Variants in AGTPBP1 observed in about 807,000 individuals in gnomAD.
AGTPBP1 encodes the protein cytosolic carboxypeptidase 1.
In AGTPBP1, 70 loss-of-function variants were observed where a neutral mutation model predicts 143.9. The ratio of observed to expected loss-of-function variants is 0.49; its 90% CI spans 0.40 to 0.59. The LOEUF (loss-of-function observed/expected upper bound fraction) is 0.59, where lower values mean the gene tolerates loss of function less well. Among genes scored for constraint, AGTPBP1 ranks in the 20% least tolerant of loss-of-function variants. The probability of loss-of-function intolerance (pLI) is 0.00; values close to 1 mark genes in which losing one functional copy is unlikely to be tolerated. For missense variants in AGTPBP1, 1,229 were observed against 1,464.5 expected (o/e 0.84, Z 2.62); for synonymous variants, 463 against 500.2 (o/e 0.93, Z 0.99).
intron 11 of AGTPBP1, among the ~76,000 whole-genome samples, chr9:85,650,007 T>C (rs890169231): frequency 6.6e-6 from 1 of 151,612 alleles, no homozygotes; most frequent in Non-Finnish European, 1.5e-5. Flanking sequence ...CTTACCAGAT[T>C]GTGTTTTCAG....
At chr9:85,762,213 C>G in the AGTPBP1 span, among the ~76,000 whole-genome samples, 1 of 151,110 alleles carries the variant, frequency 6.6e-6, no homozygotes, top group East Asian at 1.9e-4. Context: ...GACAGTGTGG[C>G]GATTCCTCAA....
intron 1 of AGTPBP1, among the ~76,000 whole-genome samples, chr9:85,713,943 A>T (rs2134508977): frequency 6.6e-6 from 1 of 152,334 alleles, no homozygotes; most frequent in Non-Finnish European, 1.5e-5. Context: ...GGAGAAAAAA[A>T]TCTTACGTGA....
At chr9:85,646,459 A>G (rs1289857699) in intron 11 of AGTPBP1, 41 bp from the exon 12 acceptor site, 1 of 1,337,362 alleles carries the variant, frequency 7.5e-7, no homozygotes, top group Non-Finnish European at 1.1e-6. Context: ...AGAGGTAAGC[A>G]TTCTACAATA....
At chr9:85,596,203 A>G (rs749373355) in intron 18 of AGTPBP1, among the ~76,000 whole-genome samples, 159 bp downstream of exon 18, 2 of 152,210 alleles carry the variant, frequency 1.3e-5, no homozygotes, top group Non-Finnish European at 2.9e-5. Context: ...CCATAAGTGG[A>G]TCTCAAGTTC....
intron 17 of AGTPBP1, among the ~76,000 whole-genome samples, chr9:85,605,582 C>T (rs1829942663): frequency 6.6e-6 from 1 of 151,976 alleles, no homozygotes; most frequent in Non-Finnish European, 1.5e-5. Context: ...AATAACTACA[C>T]AGAAATACAC....
rs371550387 is a variant in AGTPBP1 at position 85,652,233 on chromosome 9, G to A, written c.1087+2910C>T. Among the ~76,000 whole-genome samples the A allele has an allele frequency of 2.3e-4, 35 of 152,234 alleles. No homozygotes were observed. The South Asian group carries it at 6.6e-3, about 29-fold the overall frequency. On this transcript the variant is annotated intron_variant, in intron 11 of 25. Coordinates refer to ENST00000357081, the MANE Select transcript of AGTPBP1 (RefSeq NM_001330701.2). ...GGTATAAAAGCTCAGAGTTTTGGCC[G>A]GGTGCAGTGGCTCACGCCTGTAATC...
the AGTPBP1 span, among the ~76,000 whole-genome samples, chr9:85,784,671 G>A: frequency 6.6e-6 from 1 of 152,128 alleles, no homozygotes; most frequent in Non-Finnish European, 1.5e-5. Flanking sequence ...CCATGTACGA[G>A]GATCTAGATC....
At chr9:85,726,272 C>T (rs1475481623) in intron 1 of AGTPBP1, among the ~76,000 whole-genome samples, 1 of 151,226 alleles carries the variant, frequency 6.6e-6, no homozygotes, top group Non-Finnish European at 1.5e-5. Flanking sequence ...AAAATGTTTA[C>T]ATGTTGCAAC....
the AGTPBP1 span, among the ~76,000 whole-genome samples, chr9:85,803,553 C>T: frequency 3.3e-5 from 5 of 152,300 alleles, no homozygotes; most frequent in Middle Eastern, 3.4e-3. Flanking sequence ...GAGTTTCCAA[C>T]TAAGGTCCTC....
intron 14 of AGTPBP1, among the ~76,000 whole-genome samples, chr9:85,632,456 T>C (rs1201028542): frequency 6.6e-6 from 1 of 152,210 alleles, no homozygotes; most frequent in Non-Finnish European, 1.5e-5. Context: ...TCTGGCTTCA[T>C]CTGAATAAGG....
chr9:85,741,643 C>G (rs909785817), intron 1 of AGTPBP1, 132 bp downstream of exon 1: 1 of 1,245,238 alleles, frequency 8.0e-7, no homozygotes, highest in Non-Finnish European at 1.0e-6. Context: ...GTTACACAAC[C>G]CGTCAGGTAA....
intron 22 of AGTPBP1, among the ~76,000 whole-genome samples, chr9:85,585,826 G>A (rs531075802): frequency 2.6e-5 from 4 of 152,080 alleles, no homozygotes; most frequent in Non-Finnish European, 5.9e-5. Flanking sequence ...TATCATCTTT[G>A]TATTTACTAT....
intron 25 of AGTPBP1, among the ~76,000 whole-genome samples, chr9:85,571,507 G>A (rs1281242364): frequency 1.3e-5 from 2 of 152,092 alleles, no homozygotes; most frequent in African/African-American, 4.8e-5. Context: ...ACAAATTTAA[G>A]GATGAATAAA....
chr9:85,784,177 T>TA, the AGTPBP1 span, among the ~76,000 whole-genome samples: 1 of 152,164 alleles, frequency 6.6e-6, no homozygotes, highest in African/African-American at 2.4e-5. Flanking sequence ...GTAAGGATAA[T>TA]AGAGTCAAAA....
the AGTPBP1 span, among the ~76,000 whole-genome samples, chr9:85,789,788 G>A: frequency 6.6e-6 from 1 of 152,106 alleles, no homozygotes; most frequent in Non-Finnish European, 1.5e-5. Context: ...ATGCTTATTT[G>A]AGACTAAATT....
the AGTPBP1 span, chr9:85,764,699 A>G: frequency 9.2e-7 from 1 of 1,082,826 alleles, no homozygotes; most frequent in African/African-American, 1.5e-5. Context: ...GGTGGGTTGT[A>G]TCTTTTAGGC....
At chr9:85,772,602 A>C in the AGTPBP1 span, among the ~76,000 whole-genome samples, 3 of 152,060 alleles carry the variant, frequency 2.0e-5, no homozygotes, top group Non-Finnish European at 4.4e-5. Flanking sequence ...TTTTTAAAAA[A>C]CTTAGCCAGG....
intron 17 of AGTPBP1, among the ~76,000 whole-genome samples, chr9:85,597,975 T>A (rs1205276348): frequency 6.6e-6 from 1 of 152,178 alleles, no homozygotes; most frequent in Non-Finnish European, 1.5e-5. Flanking sequence ...TTCAGAAAAC[T>A]AAATTTTAAA....
chr9:85,598,866 G>A (rs1331229750), intron 17 of AGTPBP1, among the ~76,000 whole-genome samples: 2 of 151,852 alleles, frequency 1.3e-5, no homozygotes, highest in African/African-American at 2.4e-5. Flanking sequence ...GACTACAGGC[G>A]CATGCCACCG....
Sources: gnomAD v4.1 joint callset for allele counts (sites outside exome capture counted in the v4.1 genomes callset) on GRCh38, gnomAD v4.1.1 for gene constraint, MANE v1.5 for transcripts, NCBI Gene and HGNC (gene_info 2026-07-23, HGNC 2026-07-21) for gene names.